Variants in FSIP1 observed in about 807,000 individuals in gnomAD.
The protein encoded by FSIP1 is fibrous sheath interacting protein 1.
A neutral mutation model predicts 60.9 loss-of-function variants in FSIP1; 65 were observed. The ratio of observed to expected loss-of-function variants is 1.07; its 90% CI spans 0.87 to 1.31. The LOEUF (loss-of-function observed/expected upper bound fraction) is 1.31, where lower values mean the gene tolerates loss of function less well. Ranked by LOEUF, FSIP1 falls within the 40% of genes most tolerant of loss-of-function variation. The probability of loss-of-function intolerance (pLI) is 0.00; values close to 1 mark genes in which losing one functional copy is unlikely to be tolerated. For missense variants in FSIP1, 675 were observed against 665.5 expected, an observed-to-expected ratio of 1.01 and a Z score of -0.16; for synonymous variants, 209 against 221.2, an observed-to-expected ratio of 0.94 and a Z score of 0.49.
chr15:39,625,053 G>C lies in FSIP1; in HGVS notation c.1189-6808C>G, dbSNP rs577291501. On this transcript the variant is annotated intron_variant, in intron 10 of 11. Transcript: ENST00000350221. ...GGTGTGGGAAGCCCTTTTTATGTGG[G>C]GCCTGGCATGGCAAAGTCACCGTGC... is the stretch of plus-strand genomic sequence containing the variant. Among the ~76,000 whole-genome samples, 19 of 152,236 alleles carry C rather than the reference G, an allele frequency of 1.2e-4. No homozygotes were observed. The South Asian group carries it at 4.0e-3, about 32-fold the overall frequency.
At chr15:39,692,477 A>G (rs2631713) in intron 10 of FSIP1, among the ~76,000 whole-genome samples, 91,599 of 151,974 alleles carry the variant, frequency 0.6, 29,892 homozygotes, top group South Asian at 0.74. Flanking sequence ...AGAGCACTTT[A>G]GGAAAAAAAA....
intron 10 of FSIP1, among the ~76,000 whole-genome samples, chr15:39,649,697 T>C (rs1892786069): frequency 6.6e-6 from 1 of 152,214 alleles, no homozygotes; most frequent in South Asian, 2.1e-4. Context: ...TTTTCTACTC[T>C]GCCGTCGTCC....
At chr15:39,710,175 C>T (rs1354162135) in intron 10 of FSIP1, among the ~76,000 whole-genome samples, 5 of 151,998 alleles carry the variant, frequency 3.3e-5, no homozygotes, top group African/African-American at 1.2e-4. Flanking sequence ...AGTTATGAAA[C>T]ACTAAGCAAT....
At chr15:39,683,984 A>AT in intron 10 of FSIP1, among the ~76,000 whole-genome samples, 1 of 152,356 alleles carries the variant, frequency 6.6e-6, no homozygotes, top group East Asian at 1.9e-4. Flanking sequence ...GAATTGGACA[A>AT]TTCGGCATAA....
chr15:39,723,744 C>T (rs1018997918), intron 9 of FSIP1, among the ~76,000 whole-genome samples: 3 of 152,228 alleles, frequency 2.0e-5, no homozygotes, highest in Non-Finnish European at 4.4e-5. Flanking sequence ...TGAATATGAA[C>T]TATGAATGTT....
chr15:39,692,177 T>C (rs961331072), intron 10 of FSIP1, among the ~76,000 whole-genome samples: 2 of 152,134 alleles, frequency 1.3e-5, no homozygotes, highest in African/African-American at 4.8e-5. Context: ...CAGAGGGAGA[T>C]GAGACTTGTA....
At chr15:39,629,767 T>G (rs1175105661) in intron 10 of FSIP1, among the ~76,000 whole-genome samples, 1 of 152,198 alleles carries the variant, frequency 6.6e-6, no homozygotes, top group East Asian at 1.9e-4. Flanking sequence ...CCTGAAGAGG[T>G]GATTCTAAGA....
At chr15:39,674,267 G>A (rs750853963) in intron 10 of FSIP1, among the ~76,000 whole-genome samples, 1 of 152,112 alleles carries the variant, frequency 6.6e-6, no homozygotes, top group Non-Finnish European at 1.5e-5. Context: ...TGTTAGCCAG[G>A]ATGGTCTTGA....
At chr15:39,630,248 T>C (rs1236665039) in intron 10 of FSIP1, among the ~76,000 whole-genome samples, 1 of 152,226 alleles carries the variant, frequency 6.6e-6, no homozygotes, top group Non-Finnish European at 1.5e-5. Flanking sequence ...ATATTGTGAA[T>C]AAGAAGTTCC....
At position 39,704,981 on chromosome 15, in the gene FSIP1, A is replaced by G. The variant is rs73395241; in HGVS notation, c.1188+8463T>C. ...GTGGTTTCCAGGAAACTGAAAAGAG[A>G]AAGAATGTGGATAGAAATAGTAGAG... On this transcript the variant is annotated intron_variant, in intron 10 of 11. Coordinates refer to ENST00000350221, the MANE Select transcript of FSIP1 (RefSeq NM_152597.5). Among the ~76,000 whole-genome samples the G allele has an allele frequency of 6.1e-3, 934 of 152,330 alleles. 10 individuals are homozygous for G. The highest frequency in any genetic ancestry group is 0.021 in the African/African-American group (883 of 41,582).
chr15:39,728,625 AC>A (rs1896289121), intron 8 of FSIP1, among the ~76,000 whole-genome samples: 1 of 152,232 alleles, frequency 6.6e-6, no homozygotes, highest in Admixed American at 6.5e-5. Flanking sequence ...TACACCATAT[AC>A]AAAAATCAAG....
At chr15:39,689,443 C>T (rs2631708) in intron 10 of FSIP1, among the ~76,000 whole-genome samples, 126,740 of 152,026 alleles carry the variant, frequency 0.83, 53,304 homozygotes, top group Non-Finnish European at 0.89. Flanking sequence ...TAATCATGCT[C>T]TGGTCTTTCC....
intron 10 of FSIP1, among the ~76,000 whole-genome samples, chr15:39,708,278 GC>G (rs1895361219): frequency 6.6e-6 from 1 of 152,162 alleles, no homozygotes; most frequent in Non-Finnish European, 1.5e-5. Flanking sequence ...TCTACAGGCT[GC>G]CTGCTTATGC....
chr15:39,697,404 G>A (rs1894864189), intron 10 of FSIP1, among the ~76,000 whole-genome samples: 1 of 152,208 alleles, frequency 6.6e-6, no homozygotes, highest in Non-Finnish European at 1.5e-5. Context: ...CAATAAGAAT[G>A]TGAAGAGTTA....
At chr15:39,761,908 T>C (rs550096623) in intron 5 of FSIP1, among the ~76,000 whole-genome samples, 346 of 152,360 alleles carry the variant, frequency 2.3e-3, no homozygotes, top group Non-Finnish European at 4.2e-3. Flanking sequence ...ATTATGCTCA[T>C]GCTTCTGTGG....
chr15:39,767,865 A>T (rs2140713422), intron 3 of FSIP1, among the ~76,000 whole-genome samples: 1 of 152,296 alleles, frequency 6.6e-6, no homozygotes, highest in Non-Finnish European at 1.5e-5. Context: ...CCTTGCACTC[A>T]TCCTCCAAGC....
intron 5 of FSIP1, among the ~76,000 whole-genome samples, chr15:39,761,013 C>T (rs1161081922): frequency 1.3e-5 from 2 of 152,090 alleles, no homozygotes; most frequent in Admixed American, 1.3e-4. Flanking sequence ...TACAAATTAA[C>T]CACAATGAAC....
At chr15:39,776,298 TA>T in intron 2 of FSIP1, 100 bp downstream of exon 2, 1 of 1,152,964 alleles carries the variant, frequency 8.7e-7, no homozygotes, top group Non-Finnish European at 1.2e-6. Context: ...ACACACCGTC[TA>T]AGGAGAAAAT....
intron 3 of FSIP1, among the ~76,000 whole-genome samples, chr15:39,767,986 G>A (rs373377133): frequency 1.2e-4 from 19 of 152,272 alleles, no homozygotes; most frequent in Admixed American, 5.9e-4. Context: ...AACACAAGCC[G>A]CCAGCAGACG....
Sources: allele counts gnomAD v4.1 joint callset (sites outside exome capture counted in the v4.1 genomes callset), GRCh38; gene constraint gnomAD v4.1.1; transcripts MANE v1.5; gene names NCBI Gene and HGNC (gene_info 2026-07-23, HGNC 2026-07-21).